Variants in CNBD1 observed in about 807,000 individuals in gnomAD.
CNBD1 encodes the protein cyclic nucleotide binding domain containing 1, also known as cyclic nucleotide-binding domain-containing protein 1.
A neutral mutation model predicts 54.4 loss-of-function variants in CNBD1; 71 were observed. The ratio of observed to expected loss-of-function variants is 1.30; its 90% CI spans 1.08 to 1.59. CNBD1 has a LOEUF of 1.59. Ranked by LOEUF, CNBD1 falls within the 40% of genes most tolerant of loss-of-function variation. The pLI is 0.00. For synonymous variants in CNBD1, 182 were observed against 170.7 expected (o/e 1.07, Z -0.51); for missense variants, 659 against 518.0 (o/e 1.27, Z -2.64).
chr8:86,921,645 A>C (rs1809277247), intron 3 of CNBD1, among the ~76,000 whole-genome samples: 1 of 152,162 alleles, frequency 6.6e-6, no homozygotes, highest in Non-Finnish European at 1.5e-5. Context: ...TAAAACCATC[A>C]GATCTCCTGA....
chr8:87,320,485 C>T (rs2045053608), intron 8 of CNBD1, among the ~76,000 whole-genome samples: 1 of 152,054 alleles, frequency 6.6e-6, no homozygotes, highest in Non-Finnish European at 1.5e-5. Context: ...GAGTTTCTGA[C>T]AGAGGCAAAT....
At chr8:87,121,892 A>C (rs1273466242) in intron 4 of CNBD1, among the ~76,000 whole-genome samples, 1 of 151,588 alleles carries the variant, frequency 6.6e-6, no homozygotes, top group Non-Finnish European at 1.5e-5. Context: ...GTGTGTATAT[A>C]TATATACACA....
At chr8:86,876,994 G>A (rs1808530279) in intron 1 of CNBD1, among the ~76,000 whole-genome samples, 1 of 151,922 alleles carries the variant, frequency 6.6e-6, no homozygotes, top group African/African-American at 2.4e-5. Context: ...TAAATCAAAT[G>A]TCTATTTCTT....
At chr8:87,185,533 A>G (rs755688235) in intron 4 of CNBD1, among the ~76,000 whole-genome samples, 5 of 152,204 alleles carry the variant, frequency 3.3e-5, no homozygotes, top group Non-Finnish European at 7.4e-5. Context: ...TCAGCACAGC[A>G]TTTAGTCTAT....
intron 4 of CNBD1, among the ~76,000 whole-genome samples, chr8:86,967,801 G>GTT (rs796253707): frequency 1.0e-3 from 138 of 134,238 alleles, no homozygotes; most frequent in African/African-American, 2.8e-3. Flanking sequence ...TGCTTGTTCA[G>GTT]TTTTTTTTTT....
intron 5 of CNBD1, among the ~76,000 whole-genome samples, chr8:87,215,587 CA>C (rs548146567): frequency 0.021 from 1,323 of 63,554 alleles, 9 homozygotes; most frequent in African/African-American, 0.052. Context: ...GACTCCTTCT[CA>C]AAAAAAAAAA....
At chr8:86,986,918 A>G (rs542478432) in intron 4 of CNBD1, among the ~76,000 whole-genome samples, 3 of 152,116 alleles carry the variant, frequency 2.0e-5, no homozygotes, top group Non-Finnish European at 4.4e-5. Context: ...TTAGCCTTAT[A>G]GTATAGTTTG....
intron 4 of CNBD1, among the ~76,000 whole-genome samples, chr8:86,953,184 A>G (rs1303057332): frequency 6.6e-6 from 1 of 152,168 alleles, no homozygotes; most frequent in Non-Finnish European, 1.5e-5. Flanking sequence ...ACATTTATTT[A>G]TAAGTCTTAG....
chr8:87,327,348 G>T (rs993747110), intron 8 of CNBD1, among the ~76,000 whole-genome samples: 2 of 150,868 alleles, frequency 1.3e-5, no homozygotes, highest in East Asian at 1.9e-4. Context: ...CGAGCTTCCC[G>T]GCTGCTTTGT....
chr8:87,340,950 A>G (rs904571084), intron 8 of CNBD1, among the ~76,000 whole-genome samples: 2 of 150,554 alleles, frequency 1.3e-5, no homozygotes, highest in Non-Finnish European at 3.0e-5. Context: ...CATTTTTTTC[A>G]TGTTTCTTAT....
intron 4 of CNBD1, among the ~76,000 whole-genome samples, chr8:87,004,421 C>T (rs140378823): frequency 2.7e-3 from 409 of 152,042 alleles, no homozygotes; most frequent in African/African-American, 9.1e-3. Context: ...CCTTTAAAAA[C>T]GTGTAACTTA....
chr8:87,042,514 G>A (rs1285257183), intron 4 of CNBD1, among the ~76,000 whole-genome samples: 2 of 152,172 alleles, frequency 1.3e-5, no homozygotes, highest in African/African-American at 4.8e-5. Flanking sequence ...GGAAAGATGA[G>A]GTAGTTGGTG....
At chr8:87,344,990 A>C (rs978168947) in intron 8 of CNBD1, among the ~76,000 whole-genome samples, 1 of 152,184 alleles carries the variant, frequency 6.6e-6, no homozygotes, top group Non-Finnish European at 1.5e-5. Context: ...TCCTTTTGAC[A>C]CAAATATGAA....
At chr8:87,364,526 GCAA>G (rs1810598553) in intron 10 of CNBD1, among the ~76,000 whole-genome samples, 1 of 151,486 alleles carries the variant, frequency 6.6e-6, no homozygotes, top group Non-Finnish European at 1.5e-5. Flanking sequence ...AAGTACATGT[GCAA>G]GTTTGTTATA....
rs77424613 is a variant in CNBD1, at chr8:86,987,958, C to G, written c.431+48204C>G. Among the ~76,000 whole-genome samples the G allele has an allele frequency of 2.4e-3, 360 of 152,106 alleles. 2 individuals are homozygous for G. Among genetic ancestry groups the G allele is most frequent in the African/African-American group, 8.5e-3 (351 of 41,516 alleles). On this transcript the variant is annotated intron_variant, in intron 4 of 10. Coordinates refer to ENST00000518476, the MANE Select transcript of CNBD1 (RefSeq NM_173538.3). ...CATCAGAGATATTGACCTGAAGTTT[C>G]CATTTGTGTTGTCAGTCTTCCCGAT...
At chr8:87,327,745 G>A (rs895295775) in intron 8 of CNBD1, among the ~76,000 whole-genome samples, 5 of 152,154 alleles carry the variant, frequency 3.3e-5, no homozygotes, top group Non-Finnish European at 5.9e-5. Flanking sequence ...AGATGGAAAT[G>A]CAGAAATCAC....
At chr8:86,981,351 C>T (rs999096952) in intron 4 of CNBD1, among the ~76,000 whole-genome samples, 1 of 152,088 alleles carries the variant, frequency 6.6e-6, no homozygotes, top group Non-Finnish European at 1.5e-5. Flanking sequence ...CTGGTTTTTC[C>T]CTCTCTCTAA....
chr8:86,958,184 G>A (rs1357287226), intron 4 of CNBD1, among the ~76,000 whole-genome samples: 1 of 152,288 alleles, frequency 6.6e-6, no homozygotes, highest in Admixed American at 6.5e-5. Context: ...TTGCATTGTG[G>A]TCTGAGAGAC....
intron 4 of CNBD1, among the ~76,000 whole-genome samples, chr8:87,063,266 G>A (rs1248906259): frequency 6.6e-6 from 1 of 152,088 alleles, no homozygotes; most frequent in African/African-American, 2.4e-5. Flanking sequence ...TTCAACACAG[G>A]GACTGTGTTC....
Sources: allele counts gnomAD v4.1 joint callset (sites outside exome capture counted in the v4.1 genomes callset), GRCh38; gene constraint gnomAD v4.1.1; transcripts MANE v1.5; gene names NCBI Gene and HGNC (gene_info 2026-07-23, HGNC 2026-07-21).